Variants in GNA14 observed in about 807,000 individuals in gnomAD.
The protein encoded by GNA14 is guanine nucleotide-binding protein subunit alpha-14.
In GNA14, 50 loss-of-function variants were observed where a neutral mutation model predicts 42.0. The ratio of observed to expected loss-of-function variants is 1.19; its 90% CI spans 0.95 to 1.51. The LOEUF is 1.51. Ranked by LOEUF, GNA14 falls within the 40% of genes most tolerant of loss-of-function variation. The pLI is 0.00. For synonymous variants in GNA14, 173 were observed against 163.1 expected, an observed-to-expected ratio of 1.06 and a Z score of -0.46; for missense variants, 473 against 446.2, an observed-to-expected ratio of 1.06 and a Z score of -0.54.
intron 2 of GNA14, among the ~76,000 whole-genome samples, chr9:77,514,774 C>A (rs867844266): frequency 6.6e-6 from 1 of 151,930 alleles, no homozygotes; most frequent in Non-Finnish European, 1.5e-5. Context: ...CCACCACGCC[C>A]GGCTAATTTT....
intron 1 of GNA14, among the ~76,000 whole-genome samples, chr9:77,580,983 G>A (rs944303568): frequency 2.2e-4 from 32 of 148,394 alleles, no homozygotes; most frequent in African/African-American, 7.8e-4. Flanking sequence ...AAGTTTCAAT[G>A]CTTAAAGATA....
At chr9:77,433,275 G>A (rs974124571) in intron 3 of GNA14, among the ~76,000 whole-genome samples, 1 of 152,222 alleles carries the variant, frequency 6.6e-6, no homozygotes, top group Non-Finnish European at 1.5e-5. Context: ...AAAGAGCTGA[G>A]CTGCAGAAGC....
At chr9:77,595,285 G>C (rs1249573760) in intron 1 of GNA14, among the ~76,000 whole-genome samples, 2 of 152,198 alleles carry the variant, frequency 1.3e-5, no homozygotes, top group African/African-American at 4.8e-5. Flanking sequence ...GAGGAGACTA[G>C]GTGGATAAAT....
At chr9:77,471,718 T>C (rs1361493464) in intron 2 of GNA14, among the ~76,000 whole-genome samples, 1 of 152,020 alleles carries the variant, frequency 6.6e-6, no homozygotes, top group Non-Finnish European at 1.5e-5. Context: ...TGGAAAGCAA[T>C]CATCAAAGTC....
intron 1 of GNA14, among the ~76,000 whole-genome samples, chr9:77,599,747 ATG>A (rs1276087133): frequency 6.6e-6 from 1 of 152,156 alleles, no homozygotes; most frequent in Admixed American, 6.5e-5. Flanking sequence ...CCTTCAATCT[ATG>A]GCATTTCTCC....
chr9:77,423,777 T>C lies in GNA14; in HGVS notation c.*202A>G, dbSNP rs79265572. 1.7e-5 allele frequency: 6 copies of C among 360,092 alleles called. No homozygotes were observed. The highest frequency in any genetic ancestry group is 3.0e-5 in the Non-Finnish European group (6 of 200,902). The allele number at this position is 360,092 out of a possible 1,614,324, so 22.3% of individuals were successfully genotyped here. A position where few individuals can be genotyped will look rare whatever the true frequency, so the allele number is the denominator to read the frequency against. ...TCAAGAAAATAATTATAAACACAAT[T>C]TGGGATGTAAGGACTTTTAAAGTAT... On this transcript the variant is annotated 3_prime_UTR_variant, in exon 7 of 7. Transcript: ENST00000341700.
chr9:77,490,284 C>T (rs935207076), intron 2 of GNA14, among the ~76,000 whole-genome samples: 6 of 152,242 alleles, frequency 3.9e-5, no homozygotes, highest in Admixed American at 6.5e-5. Flanking sequence ...AAAGACTCTC[C>T]ACGTCCCTAC....
chr9:77,566,844 T>C (rs1394545752), intron 1 of GNA14, among the ~76,000 whole-genome samples: 1 of 152,182 alleles, frequency 6.6e-6, no homozygotes, highest in Non-Finnish European at 1.5e-5. Flanking sequence ...CCAGTATATC[T>C]CTCTGCTTTT....
chr9:77,459,960 C>T lies in GNA14; in HGVS notation c.310-25438G>A, dbSNP rs546028151. Among the ~76,000 whole-genome samples, 392 of 152,282 alleles carry T rather than the reference C, an allele frequency of 2.6e-3. 5 individuals carry two copies. The highest frequency in any genetic ancestry group is 7.8e-3 in the African/African-American group (326 of 41,558). Reference sequence around the variant, plus strand: ...TCCTTGTGCGGGCACCAATGGGTCTCGTGGATCCCCTATAGCTCCCTGCAT... The same window carrying T: ...TCCTTGTGCGGGCACCAATGGGTCTTGTGGATCCCCTATAGCTCCCTGCAT... On this transcript the variant is annotated intron_variant, in intron 2 of 6. Coordinates refer to ENST00000341700, the MANE Select transcript of GNA14 (RefSeq NM_004297.4).
chr9:77,607,322 G>C (rs1284954494), intron 1 of GNA14, among the ~76,000 whole-genome samples: 1 of 152,176 alleles, frequency 6.6e-6, no homozygotes. Flanking sequence ...ATCAGAATAA[G>C]TGATTGCTGA....
chr9:77,518,820 T>C (rs1189275699), intron 2 of GNA14, among the ~76,000 whole-genome samples: 2 of 152,206 alleles, frequency 1.3e-5, no homozygotes, highest in African/African-American at 4.8e-5. Flanking sequence ...AGCCCATATC[T>C]TTACTTCTAA....
At chr9:77,647,506 C>T (rs980681028) in intron 1 of GNA14, among the ~76,000 whole-genome samples, 164 bp downstream of exon 1, 10 of 152,184 alleles carry the variant, frequency 6.6e-5, no homozygotes, top group Non-Finnish European at 1.2e-4. Context: ...AGAACAGGCA[C>T]CTAAGGCCCC....
At chr9:77,516,211 T>C (rs1200424592) in intron 2 of GNA14, among the ~76,000 whole-genome samples, 1 of 152,184 alleles carries the variant, frequency 6.6e-6, no homozygotes, top group Non-Finnish European at 1.5e-5. Flanking sequence ...TTGGGCCCAA[T>C]CTTTAGAAAG....
At chr9:77,471,643 T>G (rs545375773) in intron 2 of GNA14, among the ~76,000 whole-genome samples, 1 of 152,144 alleles carries the variant, frequency 6.6e-6, no homozygotes, top group African/African-American at 2.4e-5. Flanking sequence ...TGTGATACGT[T>G]TTACGGGAGA....
intron 2 of GNA14, among the ~76,000 whole-genome samples, chr9:77,523,201 T>C (rs1366626873): frequency 6.6e-6 from 1 of 152,214 alleles, no homozygotes; most frequent in Non-Finnish European, 1.5e-5. Flanking sequence ...CAGAAATACC[T>C]GACACTGGGC....
At chr9:77,558,309 G>A (rs1357014905) in intron 1 of GNA14, among the ~76,000 whole-genome samples, 1 of 151,856 alleles carries the variant, frequency 6.6e-6, no homozygotes, top group Non-Finnish European at 1.5e-5. Flanking sequence ...CAGACAGACA[G>A]ACAAATAGAT....
intron 1 of GNA14, among the ~76,000 whole-genome samples, chr9:77,542,544 G>A (rs12350158): frequency 0.015 from 2,337 of 152,296 alleles, 70 homozygotes; most frequent in African/African-American, 0.053. Flanking sequence ...GGTGGTGGCA[G>A]CAGTGGGCCA....
chr9:77,538,990 T>C (rs577207624), intron 1 of GNA14, among the ~76,000 whole-genome samples: 1 of 152,218 alleles, frequency 6.6e-6, no homozygotes, highest in African/African-American at 2.4e-5. Flanking sequence ...CCAATTTGGA[T>C]GCCTTTGATT....
chr9:77,527,402 T>A (rs1357096821), intron 2 of GNA14, among the ~76,000 whole-genome samples: 2 of 152,206 alleles, frequency 1.3e-5, no homozygotes, highest in Non-Finnish European at 2.9e-5. Context: ...GTCCAACCCA[T>A]GGCCCGTGGG....
Sources: allele counts gnomAD v4.1 joint callset (sites outside exome capture counted in the v4.1 genomes callset), GRCh38; gene constraint gnomAD v4.1.1; transcripts MANE v1.5; gene names NCBI Gene and HGNC (gene_info 2026-07-23, HGNC 2026-07-21).